The following DOCK4 variants were observed in gnomAD, a reference collection of about 807,000 sequenced individuals.
The protein encoded by DOCK4 is dedicator of cytokinesis 4, also known as dedicator of cytokinesis protein 4.
In DOCK4, 97 loss-of-function variants were observed where a neutral mutation model predicts 268.1. That is an observed-to-expected ratio of 0.36 (90% CI 0.31 to 0.43). The LOEUF is 0.43. Ranked by LOEUF, DOCK4 falls within the 20% of genes least tolerant of loss-of-function variation. The pLI, the probability that DOCK4 is intolerant of heterozygous loss-of-function variation, is 1.00. For missense variants in DOCK4, 2,145 were observed against 2,455.7 expected (o/e 0.87, Z 2.67); for synonymous variants, 954 against 887.2 (o/e 1.08, Z -1.34).
At chr7:111,811,407 C>T (rs538585834) in intron 28 of DOCK4, among the ~76,000 whole-genome samples, 1 of 152,182 alleles carries the variant, frequency 6.6e-6, no homozygotes, top group South Asian at 2.1e-4. Context: ...AATTTGTAGG[C>T]ACCCAGGCAT....
chr7:112,001,503 T>C (rs1318930803), intron 2 of DOCK4, among the ~76,000 whole-genome samples: 2 of 152,058 alleles, frequency 1.3e-5, no homozygotes, highest in Non-Finnish European at 2.9e-5. Context: ...TTATTTTACT[T>C]AATCATGGCT....
chr7:112,135,139 A>C (rs1814205911), intron 1 of DOCK4, among the ~76,000 whole-genome samples: 1 of 152,140 alleles, frequency 6.6e-6, no homozygotes, highest in Non-Finnish European at 1.5e-5. Context: ...ACTGAGACAT[A>C]ATTATCTGAT....
rs1792708735 is a variant in DOCK4 at position 111,917,495 on chromosome 7, T to C, written c.1067-1591A>G. On this transcript the variant is annotated intron_variant, in intron 12 of 52. Transcript: ENST00000428084. ...TTGGGAGGTCGAGGCAGGCGGATCA[T>C]GAGGTCAGGAGATCAAGACCATCCT... Among the ~76,000 whole-genome samples the C allele has an allele frequency of 2.6e-5, 4 of 151,928 alleles. No homozygotes were observed. In the South Asian group the frequency reaches 8.3e-4, roughly 32 times the overall value.
At chr7:111,973,283 G>A (rs937262209) in intron 8 of DOCK4, among the ~76,000 whole-genome samples, 1 of 151,346 alleles carries the variant, frequency 6.6e-6, no homozygotes, top group Non-Finnish European at 1.5e-5. Flanking sequence ...GAGTGTGCAA[G>A]TATCTTTTTC....
intron 13 of DOCK4, among the ~76,000 whole-genome samples, chr7:111,913,346 G>C (rs1406715540): frequency 4.0e-5 from 6 of 151,874 alleles, no homozygotes; most frequent in Non-Finnish European, 7.4e-5. Flanking sequence ...AAAGCAGAAG[G>C]ATAACTTGAG....
intron 1 of DOCK4, among the ~76,000 whole-genome samples, chr7:112,197,953 T>A (rs1393838523): frequency 1.6e-5 from 2 of 126,410 alleles, no homozygotes; most frequent in African/African-American, 5.9e-5. Flanking sequence ...TCATCTTACA[T>A]AAGCCTGACC....
chr7:111,807,627 C>A (rs569929247), intron 30 of DOCK4: 14 of 152,228 alleles, frequency 9.2e-5, no homozygotes, highest in African/African-American at 2.4e-4. Flanking sequence ...GGCACCCCCC[C>A]ACCACGCCTG....
intron 34 of DOCK4, among the ~76,000 whole-genome samples, chr7:111,783,542 G>C (rs1468561920): frequency 6.6e-6 from 1 of 151,626 alleles, no homozygotes; most frequent in African/African-American, 2.4e-5. Flanking sequence ...TGGTTCTAGG[G>C]GCTAAGTCTA....
chr7:112,194,474 A>C (rs1271083487), intron 1 of DOCK4, among the ~76,000 whole-genome samples: 1 of 152,238 alleles, frequency 6.6e-6, no homozygotes, highest in Non-Finnish European at 1.5e-5. Flanking sequence ...CACAGCAGTG[A>C]CATCACAGGC....
intron 8 of DOCK4, among the ~76,000 whole-genome samples, chr7:111,973,156 C>CATATATATATATATATATATAT (rs144045255): frequency 1.1e-4 from 12 of 114,044 alleles, no homozygotes; most frequent in African/African-American, 2.2e-4. Flanking sequence ...TATTCCATGG[C>CATATATATATATATATATATAT]ATATATATAT....
intron 21 of DOCK4, 197 bp downstream of exon 21, chr7:111,869,377 T>C: frequency 3.7e-6 from 2 of 539,538 alleles, no homozygotes; most frequent in South Asian, 3.7e-5. Context: ...CTGAACAGTT[T>C]CCAGTAGACT....
At chr7:112,043,058 C>T (rs1236539978) in intron 1 of DOCK4, among the ~76,000 whole-genome samples, 4 of 152,156 alleles carry the variant, frequency 2.6e-5, no homozygotes, top group Non-Finnish European at 4.4e-5. Flanking sequence ...TCCCAGCCTC[C>T]AGAATTGCAA....
chr7:111,910,665 T>C (rs140496651), intron 13 of DOCK4, among the ~76,000 whole-genome samples: 2 of 152,366 alleles, frequency 1.3e-5, no homozygotes, highest in African/African-American at 4.8e-5. Flanking sequence ...GCTCAAATGA[T>C]GTTCCTACTG....
intron 12 of DOCK4, among the ~76,000 whole-genome samples, chr7:111,916,364 A>G (rs1792586259): frequency 6.6e-6 from 1 of 152,206 alleles, no homozygotes; most frequent in Non-Finnish European, 1.5e-5. Context: ...CTGAAGACAT[A>G]TTAATTTAAG....
intron 1 of DOCK4, among the ~76,000 whole-genome samples, chr7:112,126,162 A>G (rs1263104214): frequency 6.6e-6 from 1 of 152,214 alleles, no homozygotes; most frequent in African/African-American, 2.4e-5. Context: ...AAAACGAGTG[A>G]AAATATTAGC....
intron 26 of DOCK4, 138 bp from the exon 27 acceptor site, chr7:111,822,594 T>C (rs1459050936): frequency 1.3e-6 from 1 of 744,078 alleles, no homozygotes; most frequent in Non-Finnish European, 2.1e-6. Flanking sequence ...TTTAACAGTT[T>C]GCCCAAGGGA....
intron 40 of DOCK4, among the ~76,000 whole-genome samples, chr7:111,759,942 T>C (rs938067181): frequency 6.6e-6 from 1 of 152,156 alleles, no homozygotes; most frequent in Admixed American, 6.6e-5. Flanking sequence ...TACAAGAGGT[T>C]TAATTAAAAG....
In DOCK4 at chr7:111,758,617, A is replaced by G. The variant is rs1298815658; in HGVS notation, c.4329+7T>C. 5 of 1,613,620 alleles carry G rather than the reference A, an allele frequency of 3.1e-6. No homozygotes were observed. Among genetic ancestry groups the G allele is most frequent in the Non-Finnish European group, 3.4e-6 (4 of 1,179,700 alleles). Reference sequence around the variant, plus strand: ...GGAGTTAGCATGTAATAAGAATTGCATGGTACCTTGAATTCATTCTCTTTA... The same window carrying G: ...GGAGTTAGCATGTAATAAGAATTGCGTGGTACCTTGAATTCATTCTCTTTA... On this transcript the variant is annotated splice_region_variant and intron_variant, in intron 41 of 52. Transcript: ENST00000428084.
At chr7:111,777,887 G>A (rs1798552999) in intron 36 of DOCK4, among the ~76,000 whole-genome samples, 2 of 152,164 alleles carry the variant, frequency 1.3e-5, no homozygotes, top group African/African-American at 4.8e-5. Context: ...CCCCAGCCAC[G>A]TGGAACTGTA....
Sources: allele counts gnomAD v4.1 joint callset (sites outside exome capture counted in the v4.1 genomes callset), GRCh38; gene constraint gnomAD v4.1.1; transcripts MANE v1.5; gene names NCBI Gene and HGNC (gene_info 2026-07-23, HGNC 2026-07-21).